MCOLN2: variants seen among roughly 807,000 people sequenced by gnomAD.
MCOLN2 encodes mucolipin-2.
In MCOLN2, 57 loss-of-function variants were observed where a neutral mutation model predicts 67.5. The observed-to-expected ratio is 0.84, with a 90% CI of 0.68 to 1.05. The LOEUF (loss-of-function observed/expected upper bound fraction) is 1.05. Ranked by LOEUF, MCOLN2 falls within the 50% of genes least tolerant of loss-of-function variation. The probability of loss-of-function intolerance (pLI) is 0.00; values close to 1 mark genes in which losing one functional copy is unlikely to be tolerated. For missense variants in MCOLN2, 620 were observed against 678.8 expected, an observed-to-expected ratio of 0.91 and a Z score of 0.96; for synonymous variants, 246 against 233.3, an observed-to-expected ratio of 1.05 and a Z score of -0.50.
intron 1 of MCOLN2, among the ~76,000 whole-genome samples, chr1:84,992,969 T>G (rs1363100125): frequency 1.3e-5 from 2 of 152,240 alleles, no homozygotes; most frequent in Non-Finnish European, 2.9e-5. Context: ...TAACTCTTCC[T>G]GTCACAAAAT....
At chr1:84,982,231 T>C (rs1215402105) in intron 1 of MCOLN2, among the ~76,000 whole-genome samples, 8 of 152,176 alleles carry the variant, frequency 5.3e-5, no homozygotes, top group Non-Finnish European at 8.8e-5. Context: ...TACCATAAGA[T>C]ATTTGCTAAT....
intron 1 of MCOLN2, among the ~76,000 whole-genome samples, chr1:84,983,123 A>C (rs1231653991): frequency 6.6e-6 from 1 of 151,994 alleles, no homozygotes; most frequent in African/African-American, 2.4e-5. Context: ...TTTTATCCTC[A>C]TCACAGTGAG....
intron 1 of MCOLN2, among the ~76,000 whole-genome samples, chr1:84,986,411 C>T (rs749258121): frequency 8.6e-5 from 13 of 151,884 alleles, no homozygotes; most frequent in African/African-American, 1.7e-4. Flanking sequence ...ATGGTGGTGG[C>T]GCATGCCTAT....
chr1:84,948,955 C>A (rs2102829687), intron 6 of MCOLN2, among the ~76,000 whole-genome samples: 1 of 152,246 alleles, frequency 6.6e-6, no homozygotes, highest in South Asian at 2.1e-4. Flanking sequence ...CATGGTGAAA[C>A]CCCATCTCTA....
chr1:84,939,293 A>G (rs1228389033), intron 9 of MCOLN2, among the ~76,000 whole-genome samples: 1 of 152,176 alleles, frequency 6.6e-6, no homozygotes, highest in Non-Finnish European at 1.5e-5. Context: ...TTGGCAACTT[A>G]AAAAGAAAAA....
intron 1 of MCOLN2, among the ~76,000 whole-genome samples, chr1:84,969,342 G>A (rs1270623843): frequency 2.0e-5 from 3 of 152,050 alleles, no homozygotes; most frequent in Admixed American, 6.6e-5. Context: ...AGGCAGAGGC[G>A]GGTGGATCAC....
rs544699877 is a variant in MCOLN2 at position 84,994,379 on chromosome 1, G to A, written c.77+2417C>T. ...CCTCTCTACTAGGAAAGTCCTAGATGGCATCTCCTGCCAATAGAAGGCTGT... is the reference window on the plus strand; with the variant it reads ...CCTCTCTACTAGGAAAGTCCTAGATAGCATCTCCTGCCAATAGAAGGCTGT... On this transcript the variant is annotated intron_variant, in intron 1 of 13. Coordinates refer to ENST00000370608, the MANE Select transcript of MCOLN2 (RefSeq NM_153259.4). 1.1e-4 allele frequency among the ~76,000 whole-genome samples: 16 copies of A among 152,274 alleles called. No homozygotes were observed. The South Asian group carries it at 3.3e-3, about 32-fold the overall frequency.
chr1:84,975,711 G>C (rs1398815870), intron 1 of MCOLN2, among the ~76,000 whole-genome samples: 1 of 152,128 alleles, frequency 6.6e-6, no homozygotes, highest in Non-Finnish European at 1.5e-5. Flanking sequence ...CAATCTTGGA[G>C]AAACAGAGAC....
intron 1 of MCOLN2, among the ~76,000 whole-genome samples, chr1:84,979,053 G>C (rs553602783): frequency 3.9e-5 from 6 of 152,160 alleles, no homozygotes; most frequent in African/African-American, 1.4e-4. Flanking sequence ...GCTTATTCTA[G>C]CCCAGCTGGC....
chr1:84,967,683 G>A (rs534746705), intron 1 of MCOLN2, among the ~76,000 whole-genome samples: 1 of 143,784 alleles, frequency 7.0e-6, no homozygotes, highest in South Asian at 2.3e-4. Flanking sequence ...AAGAAAGAGA[G>A]AAAGCAAGGA....
chr1:84,943,689 G>A (rs1189112506), intron 7 of MCOLN2, among the ~76,000 whole-genome samples: 3 of 152,200 alleles, frequency 2.0e-5, no homozygotes, highest in African/African-American at 7.2e-5. Flanking sequence ...CAGCCAGCTG[G>A]TAAATGCAAC....
At chr1:84,978,455 A>G (rs1021876199) in intron 1 of MCOLN2, among the ~76,000 whole-genome samples, 2 of 152,106 alleles carry the variant, frequency 1.3e-5, no homozygotes. Context: ...GTTTTTCAAA[A>G]AGCTAAAAAA....
chr1:84,979,273 T>C (rs907833953), intron 1 of MCOLN2, among the ~76,000 whole-genome samples: 1 of 152,170 alleles, frequency 6.6e-6, no homozygotes, highest in South Asian at 2.1e-4. Flanking sequence ...ATACCAATCC[T>C]ACTCAAACTT....
At chr1:84,953,910 C>T (rs1240725633) in intron 4 of MCOLN2, among the ~76,000 whole-genome samples, 1 of 152,158 alleles carries the variant, frequency 6.6e-6, no homozygotes, top group East Asian at 1.9e-4. Context: ...CTGTTGCTGC[C>T]CCTTCCATGC....
chr1:84,996,627 G>T (rs887187643), intron 1 of MCOLN2, among the ~76,000 whole-genome samples, 169 bp downstream of exon 1: 8 of 151,954 alleles, frequency 5.3e-5, no homozygotes, highest in Admixed American at 1.3e-4. Flanking sequence ...TGAGGGAAAG[G>T]CCTGTTTGTT....
intron 2 of MCOLN2, among the ~76,000 whole-genome samples, chr1:84,960,939 T>G (rs1022100713): frequency 1.3e-5 from 2 of 152,168 alleles, no homozygotes; most frequent in African/African-American, 4.8e-5. Flanking sequence ...AACCAGGCAT[T>G]GTGCTAAAAT....
chr1:84,941,575 T>C (rs1232647643), intron 7 of MCOLN2, among the ~76,000 whole-genome samples: 1 of 152,168 alleles, frequency 6.6e-6, no homozygotes, highest in East Asian at 1.9e-4. Flanking sequence ...TATATATAAA[T>C]ATTTACTGTA....
intron 1 of MCOLN2, among the ~76,000 whole-genome samples, chr1:84,967,229 C>A (rs1000087110): frequency 6.6e-6 from 1 of 152,206 alleles, no homozygotes; most frequent in African/African-American, 2.4e-5. Context: ...TATTTGAATT[C>A]CTGGATCCAG....
At chr1:84,985,488 G>A (rs1226120273) in intron 1 of MCOLN2, among the ~76,000 whole-genome samples, 1 of 152,080 alleles carries the variant, frequency 6.6e-6, no homozygotes, top group Non-Finnish European at 1.5e-5. Context: ...TGCATCTCCA[G>A]CAAATCTCTC....
Sources: gnomAD v4.1 joint callset for allele counts (sites outside exome capture counted in the v4.1 genomes callset) on GRCh38, gnomAD v4.1.1 for gene constraint, MANE v1.5 for transcripts, NCBI Gene and HGNC (gene_info 2026-07-23, HGNC 2026-07-21) for gene names.